Variants in SLC35F2 observed in about 807,000 individuals in gnomAD.
SLC35F2 encodes the protein solute carrier family 35 member F2.
In SLC35F2, 25 loss-of-function variants were observed where a neutral mutation model predicts 38.1. The observed-to-expected ratio is 0.66, with a 90% CI of 0.48 to 0.92. The LOEUF is 0.92. Among genes scored for constraint, SLC35F2 ranks in the 40% least tolerant of loss-of-function variants. The pLI is 0.00. For synonymous variants in SLC35F2, 173 were observed against 181.7 expected (o/e 0.95, Z 0.38); for missense variants, 409 against 452.9 (o/e 0.90, Z 0.88).
intron 1 of SLC35F2, among the ~76,000 whole-genome samples, chr11:107,843,863 AAAAAAATATAT>A (rs1282474946): frequency 1.8e-4 from 6 of 33,760 alleles, no homozygotes; most frequent in Non-Finnish European, 3.4e-4. Flanking sequence ...AAAAAAAAAA[AAAAAAATATAT>A]ATATATATAT....
At chr11:107,841,719 C>T (rs1304118748) in intron 1 of SLC35F2, among the ~76,000 whole-genome samples, 1 of 152,066 alleles carries the variant, frequency 6.6e-6, no homozygotes, top group African/African-American at 2.4e-5. Flanking sequence ...CACTTGTAAT[C>T]CCAGCATTTT....
rs116790350 is a variant in SLC35F2 at position 107,804,580 on chromosome 11, C to T, written c.784+138G>A. ...ATTTTCAGAGAAAACTCAATGTAAA[C>T]CACTATAGTTGATATGTATTAAATC... is the stretch of plus-strand genomic sequence containing the variant. On this transcript the variant is annotated intron_variant, in intron 6 of 7. Coordinates refer to ENST00000525815, the MANE Select transcript of SLC35F2 (RefSeq NM_017515.5). 380 of 604,380 alleles carry T rather than the reference C, an allele frequency of 6.3e-4. No homozygotes were observed. In the African/African-American group the frequency reaches 7.0e-3, roughly 11 times the overall value. The allele number at this position is 604,380 out of a possible 1,614,324, so 37.4% of individuals were successfully genotyped here.
At chr11:107,821,583 A>G in intron 1 of SLC35F2, 1 of 985,436 alleles carries the variant, frequency 1.0e-6, no homozygotes, top group Non-Finnish European at 1.2e-6. Flanking sequence ...TGTTTGTATA[A>G]ATTTGTACAA....
At chr11:107,810,633 A>C (rs535204989) in intron 3 of SLC35F2, 521 of 985,404 alleles carry the variant, frequency 5.3e-4, no homozygotes, top group Non-Finnish European at 6.0e-4. Flanking sequence ...GTCTGTCTTA[A>C]TAAATCATTT....
At chr11:107,797,988 A>AT (rs950063463) in intron 7 of SLC35F2, among the ~76,000 whole-genome samples, 46 of 111,044 alleles carry the variant, frequency 4.1e-4, no homozygotes, top group East Asian at 4.1e-3. Context: ...GGTATTTTTT[A>AT]TTTTTTTTTG....
intron 7 of SLC35F2, among the ~76,000 whole-genome samples, chr11:107,795,223 C>T (rs929275639): frequency 5.9e-5 from 9 of 151,950 alleles, no homozygotes; most frequent in African/African-American, 2.2e-4. Flanking sequence ...CAAAAGGGCC[C>T]AAATAGCCAA....
At chr11:107,824,152 A>T (rs1859719175) in intron 1 of SLC35F2, among the ~76,000 whole-genome samples, 1 of 152,158 alleles carries the variant, frequency 6.6e-6, no homozygotes, top group South Asian at 2.1e-4. Flanking sequence ...TAGCTAAAAA[A>T]GTCAAATTTT....
chr11:107,807,510 G>C (rs1055165314), intron 3 of SLC35F2, among the ~76,000 whole-genome samples: 1 of 151,870 alleles, frequency 6.6e-6, no homozygotes, highest in African/African-American at 2.4e-5. Context: ...CAAGAATTCT[G>C]CTGAGGGCCT....
intron 2 of SLC35F2, among the ~76,000 whole-genome samples, chr11:107,812,099 T>A (rs1037344745): frequency 6.6e-6 from 1 of 151,368 alleles, no homozygotes; most frequent in Non-Finnish European, 1.5e-5. Flanking sequence ...GAGATGGGGG[T>A]CTCACCATGT....
intron 1 of SLC35F2, among the ~76,000 whole-genome samples, chr11:107,833,856 G>A (rs779858000): frequency 9.9e-5 from 15 of 152,184 alleles, no homozygotes; most frequent in Non-Finnish European, 1.8e-4. Context: ...TAATTCTACA[G>A]AAGTAAAAAC....
intron 1 of SLC35F2, among the ~76,000 whole-genome samples, chr11:107,849,047 T>C (rs971135411): frequency 1.9e-4 from 29 of 152,214 alleles, no homozygotes; most frequent in African/African-American, 7.0e-4. Flanking sequence ...CTATCTCAGC[T>C]CTGCCTCTCA....
chr11:107,853,721 A>C (rs1407837788), intron 1 of SLC35F2, among the ~76,000 whole-genome samples: 2 of 124,986 alleles, frequency 1.6e-5, no homozygotes, highest in Non-Finnish European at 3.4e-5. Flanking sequence ...CTCCGTCTCA[A>C]AAAAAAAAAA....
At chr11:107,852,534 G>A (rs1860202580) in intron 1 of SLC35F2, among the ~76,000 whole-genome samples, 1 of 139,944 alleles carries the variant, frequency 7.1e-6, no homozygotes, top group African/African-American at 2.7e-5. Flanking sequence ...TGGAGCAACA[G>A]TGCGAGACTC....
rs931994758 is a variant in SLC35F2 at position 107,802,921 on chromosome 11, GATC to G, written c.939+77_939+79del. 8 of 1,330,054 alleles carry G rather than the reference GATC, an allele frequency of 6.0e-6. No individual in the cohort carries two copies. The African/African-American group carries it at 9.2e-5, about 15-fold the overall frequency. 82.4% of individuals were successfully genotyped at this position (1,330,054 alleles called of 1,614,324 possible). ...AGAAGATGAGAAGGTTTTATTTTTT[GATC>G]TAGAGTCTTGAAGAAACCTGCTACG... On this transcript the variant is annotated intron_variant, in intron 7 of 7. Transcript: ENST00000525815.
At chr11:107,836,620 G>A (rs1042964214) in intron 1 of SLC35F2, among the ~76,000 whole-genome samples, 3 of 152,190 alleles carry the variant, frequency 2.0e-5, no homozygotes, top group Non-Finnish European at 4.4e-5. Context: ...GAAGTCACAA[G>A]CCAAGGAAGG....
In SLC35F2 at chr11:107,806,704, G is replaced by A. The variant is rs772772539; in HGVS notation, c.574+13C>T. ...TGCTGTGATTGAAGCACAAACATGT[G>A]ACACCGTCTCACCTGAATTGTCTTC... On this transcript the variant is annotated intron_variant, in intron 4 of 7. Coordinates refer to ENST00000525815, the MANE Select transcript of SLC35F2 (RefSeq NM_017515.5). The A allele has an allele frequency of 1.9e-6, 3 of 1,613,268 alleles. No homozygotes were observed. The highest frequency in any genetic ancestry group is 8.5e-7 in the Non-Finnish European group (1 of 1,179,440).
intron 1 of SLC35F2, among the ~76,000 whole-genome samples, chr11:107,830,373 CAA>C (rs1859819553): frequency 6.6e-6 from 1 of 151,934 alleles, no homozygotes; most frequent in Non-Finnish European, 1.5e-5. Flanking sequence ...ATCACGAGGT[CAA>C]GAGATCGAGA....
chr11:107,805,243 C>T, intron 5 of SLC35F2, 116 bp downstream of exon 5: 1 of 1,376,188 alleles, frequency 7.3e-7, no homozygotes, highest in Non-Finnish European at 9.6e-7. Context: ...ACTCTTGCAT[C>T]CACCTAATAC....
intron 1 of SLC35F2, chr11:107,823,231 G>A (rs185853448): frequency 3.0e-5 from 30 of 984,764 alleles, no homozygotes; most frequent in African/African-American, 1.2e-4. Flanking sequence ...TGATCAGGAC[G>A]GCAAACCACT....
Sources: allele counts gnomAD v4.1 joint callset (sites outside exome capture counted in the v4.1 genomes callset), GRCh38; gene constraint gnomAD v4.1.1; transcripts MANE v1.5; gene names NCBI Gene and HGNC (gene_info 2026-07-23, HGNC 2026-07-21).